WWOX: variants seen among roughly 807,000 people sequenced by gnomAD.
WWOX encodes WW domain containing oxidoreductase, also known as WW domain-containing oxidoreductase.
WWOX carries 69 observed loss-of-function variants against 46.2 expected under a neutral mutation model. The ratio of observed to expected loss-of-function variants is 1.49; its 90% CI spans 1.23 to 1.82. The LOEUF (loss-of-function observed/expected upper bound fraction) is 1.82, where lower values mean the gene tolerates loss of function less well. WWOX is among the 40% of genes most tolerant of loss of function. WWOX has a pLI of 0.00. For missense variants in WWOX, 919 were observed against 542.6 expected, an observed-to-expected ratio of 1.69 and a Z score of -6.89; for synonymous variants, 359 against 202.6, an observed-to-expected ratio of 1.77 and a Z score of -6.56.
intron 8 of WWOX, among the ~76,000 whole-genome samples, chr16:78,536,147 A>T (rs1301756251): frequency 6.6e-6 from 1 of 152,192 alleles, no homozygotes; most frequent in Non-Finnish European, 1.5e-5. Flanking sequence ...TAGGTTTAAG[A>T]TACAGGCACC....
intron 8 of WWOX, among the ~76,000 whole-genome samples, chr16:78,734,569 T>C (rs2049040290): frequency 6.6e-6 from 1 of 152,156 alleles, no homozygotes; most frequent in Non-Finnish European, 1.5e-5. Flanking sequence ...AGCTGGTTTA[T>C]GTGTAACTGA....
chr16:79,016,779 C>T (rs951725841), intron 8 of WWOX: 4 of 152,242 alleles, frequency 2.6e-5, no homozygotes, highest in African/African-American at 9.6e-5. Context: ...CCGCCTGGCC[C>T]ACCCAGTCCT....
intron 8 of WWOX, among the ~76,000 whole-genome samples, chr16:79,043,801 C>G (rs2048016627): frequency 6.6e-6 from 1 of 152,186 alleles, no homozygotes; most frequent in Non-Finnish European, 1.5e-5. Context: ...TTGATCTCTT[C>G]TCTGCTAGCT....
intron 8 of WWOX, among the ~76,000 whole-genome samples, chr16:78,878,901 G>GAAAAAA (rs111647544): frequency 1.2e-4 from 10 of 86,926 alleles, no homozygotes; most frequent in South Asian, 4.1e-4. Context: ...ACAAAAAAAT[G>GAAAAAA]AAAAAAAAAA....
chr16:78,936,138 C>G (rs559582313), intron 8 of WWOX, among the ~76,000 whole-genome samples: 1 of 152,024 alleles, frequency 6.6e-6, no homozygotes, highest in Admixed American at 6.5e-5. Context: ...GTCTGGGAAC[C>G]GGAGAATGGT....
rs1051931287 is a variant in WWOX at position 79,172,480 on chromosome 16, G to C, written c.1057-39128G>C. ...CTTGGTACCTGTAGTCCCGAGCCCT[G>C]TGTCTGGCTCAGAGTAGGCCCTACA... On this transcript the variant is annotated intron_variant, in intron 8 of 8. Transcript: ENST00000566780. Among the ~76,000 whole-genome samples the C allele has an allele frequency of 2.0e-5, 3 of 152,090 alleles. No individual in the cohort carries two copies. In the South Asian group the frequency reaches 6.2e-4, roughly 32 times the overall value.
chr16:79,031,255 A>G (rs1262701769), intron 8 of WWOX, among the ~76,000 whole-genome samples: 1 of 152,128 alleles, frequency 6.6e-6, no homozygotes, highest in African/African-American at 2.4e-5. Context: ...TGCAGAGCCC[A>G]CGTGTGGGGT....
At chr16:78,342,952 T>C (rs1453883048) in intron 5 of WWOX, among the ~76,000 whole-genome samples, 2 of 120,642 alleles carry the variant, frequency 1.7e-5, no homozygotes, top group African/African-American at 5.6e-5. Context: ...CACCTTGGGA[T>C]AGGCCCTTGC....
chr16:78,577,540 G>T (rs890274906), intron 8 of WWOX, among the ~76,000 whole-genome samples: 1 of 152,180 alleles, frequency 6.6e-6, no homozygotes, highest in Non-Finnish European at 1.5e-5. Context: ...AAGCCAGCTA[G>T]AGTTCAAGTC....
chr16:78,802,930 A>AAAAAC lies in WWOX; in HGVS notation c.1056+370182_1056+370183insCAAAA, dbSNP rs2050930113. 1.7e-5 allele frequency among the ~76,000 whole-genome samples: 2 copies of AAAAAC among 117,908 alleles called. 1 individual carries two copies. Among genetic ancestry groups the AAAAAC allele is most frequent in the Admixed American group, 1.7e-4 (2 of 11,736 alleles). The allele number at this position is 117,908 out of a possible 152,430, so 77.4% of individuals were successfully genotyped here. A position where few individuals can be genotyped will look rare whatever the true frequency, so the allele number is the denominator to read the frequency against. On this transcript the variant is annotated intron_variant, in intron 8 of 8. Transcript: ENST00000566780. ...GACTTCATCTGAAAAAAAAAAAAAA[A>AAAAAC]AAAAAAAAAAAACAACAAACAGAAA...
intron 8 of WWOX, among the ~76,000 whole-genome samples, chr16:78,585,122 C>A (rs567270388): frequency 2.0e-5 from 3 of 152,196 alleles, no homozygotes; most frequent in Non-Finnish European, 4.4e-5. Flanking sequence ...TAGCCATGTC[C>A]GTGTGAACTA....
rs114430343 is a variant in WWOX, at chr16:78,944,681, A to G, written c.1057-266927A>G. On this transcript the variant is annotated intron_variant, in intron 8 of 8. Transcript: ENST00000566780. Reference sequence around the variant, plus strand: ...TTTGCGGAGATTCGAGCATGTGGGGAATGCAAGTCACAATATCCTGCAAAA... The same window carrying G: ...TTTGCGGAGATTCGAGCATGTGGGGGATGCAAGTCACAATATCCTGCAAAA... 8.2e-3 allele frequency among the ~76,000 whole-genome samples: 1,255 copies of G among 152,186 alleles called. 21 individuals are homozygous for G. The highest frequency in any genetic ancestry group is 0.029 in the African/African-American group (1,204 of 41,512).
intron 8 of WWOX, among the ~76,000 whole-genome samples, chr16:78,728,652 C>G (rs1168516019): frequency 6.6e-6 from 1 of 152,160 alleles, no homozygotes; most frequent in Non-Finnish European, 1.5e-5. Context: ...CAGAGACATC[C>G]CTGAGGGTCC....
chr16:78,450,624 T>C (rs1390132342), intron 8 of WWOX, among the ~76,000 whole-genome samples: 2 of 152,214 alleles, frequency 1.3e-5, no homozygotes, highest in Non-Finnish European at 2.9e-5. Flanking sequence ...CTTAAACTTT[T>C]TTTGATATTT....
chr16:78,994,226 T>A (rs972777155), intron 8 of WWOX: 1 of 115,180 alleles, frequency 8.7e-6, no homozygotes, highest in African/African-American at 3.3e-5. Context: ...CTGTGTGTGT[T>A]TTTTTTCCCC....
At chr16:78,751,919 A>T (rs1356690456) in intron 8 of WWOX, among the ~76,000 whole-genome samples, 1 of 152,208 alleles carries the variant, frequency 6.6e-6, no homozygotes, top group Non-Finnish European at 1.5e-5. Context: ...GATGAAAATG[A>T]ATAACCCAAC....
intron 8 of WWOX, among the ~76,000 whole-genome samples, chr16:78,701,319 C>G (rs1046841591): frequency 6.6e-6 from 1 of 152,052 alleles, no homozygotes; most frequent in Non-Finnish European, 1.5e-5. Flanking sequence ...TTAAGTGATC[C>G]TCTTGCCTTG....
intron 8 of WWOX, chr16:78,756,909 C>G (rs2049663346): frequency 1.4e-6 from 1 of 702,900 alleles, no homozygotes; most frequent in East Asian, 2.7e-5. Context: ...ATTGAGGCTT[C>G]TGCCTTACTG....
chr16:78,818,830 C>T (rs918105201), intron 8 of WWOX, among the ~76,000 whole-genome samples: 17 of 152,124 alleles, frequency 1.1e-4, no homozygotes, highest in African/African-American at 3.6e-4. Context: ...TGCTTTTAAG[C>T]GTAAGTGAGA....
Sources: gnomAD v4.1 joint callset for allele counts (sites outside exome capture counted in the v4.1 genomes callset) on GRCh38, gnomAD v4.1.1 for gene constraint, MANE v1.5 for transcripts, NCBI Gene and HGNC (gene_info 2026-07-23, HGNC 2026-07-21) for gene names.